Variants in STXBP6 observed in about 807,000 individuals in gnomAD.
The protein encoded by STXBP6 is syntaxin binding protein 6.
Under a neutral mutation model 26.9 loss-of-function variants are expected in STXBP6, and 21 were observed. The ratio of observed to expected loss-of-function variants is 0.78; its 90% CI spans 0.55 to 1.12. The LOEUF (loss-of-function observed/expected upper bound fraction) is 1.12. Ranked by LOEUF, STXBP6 falls within the 50% of genes most tolerant of loss-of-function variation. The pLI is 0.00. For missense variants in STXBP6, 232 were observed against 257.9 expected (o/e 0.90, Z 0.69); for synonymous variants, 97 against 92.6 (o/e 1.05, Z -0.27).
chr14:24,965,391 C>T (rs547453247), intron 2 of STXBP6, among the ~76,000 whole-genome samples: 63 of 142,756 alleles, frequency 4.4e-4, no homozygotes, highest in African/African-American at 1.5e-3. Flanking sequence ...GCAGACTTTA[C>T]GATTAGATTA....
chr14:24,892,448 T>C (rs913890639), intron 2 of STXBP6, among the ~76,000 whole-genome samples: 4 of 152,198 alleles, frequency 2.6e-5, no homozygotes, highest in East Asian at 1.9e-4. Context: ...CAGATGTTTC[T>C]ATATTCTTCA....
chr14:24,868,427 A>AAATACT (rs1289726153), intron 2 of STXBP6, among the ~76,000 whole-genome samples: 2 of 152,202 alleles, frequency 1.3e-5, no homozygotes, highest in African/African-American at 4.8e-5. Context: ...ATTAAATTAA[A>AAATACT]AATACTAAGG....
Position 25,049,248 on chromosome 14 carries a change from T to C in STXBP6, c.-33+630A>G, listed in dbSNP as rs1367545335. ...GCCCGGCGGTGTTGGTGAGGCTCGA[T>C]GCCGGCGTGCACGGCAAGCGCGAAT... On this transcript the variant is annotated intron_variant, in intron 1 of 5. Transcript: ENST00000323944. This position sits in a 1 kb window ranked among gnomAD's most constrained non-coding sequence, Gnocchi z 5.6. 1.0e-6 allele frequency: 1 copy of C among 985,296 alleles called. No homozygotes were observed. 61.0% of individuals were successfully genotyped at this position (985,296 alleles called of 1,614,324 possible).
At chr14:24,894,998 G>C (rs975392517) in intron 2 of STXBP6, among the ~76,000 whole-genome samples, 3 of 150,296 alleles carry the variant, frequency 2.0e-5, no homozygotes, top group African/African-American at 7.4e-5. Flanking sequence ...TTTCTTTCTC[G>C]TGTGTTAGTA....
At chr14:24,853,660 C>T (rs2069231817) in intron 4 of STXBP6, among the ~76,000 whole-genome samples, 1 of 152,122 alleles carries the variant, frequency 6.6e-6, no homozygotes, top group South Asian at 2.1e-4. Flanking sequence ...CTGAGAGACA[C>T]ACCTACAGTT....
chr14:24,870,863 C>G (rs72682917), intron 2 of STXBP6, among the ~76,000 whole-genome samples: 5,678 of 152,220 alleles, frequency 0.037, 158 homozygotes, highest in Non-Finnish European at 0.059. Context: ...AAAAATGCAT[C>G]ACAAAAATAC....
intron 2 of STXBP6, among the ~76,000 whole-genome samples, chr14:24,898,410 G>A (rs1167821271): frequency 3.3e-5 from 5 of 152,170 alleles, no homozygotes; most frequent in East Asian, 1.9e-4. Flanking sequence ...TGGGTGCGGC[G>A]GGTCATGCCT....
At chr14:24,896,283 T>G (rs2070989583) in intron 2 of STXBP6, among the ~76,000 whole-genome samples, 1 of 149,238 alleles carries the variant, frequency 6.7e-6, no homozygotes, top group East Asian at 2.0e-4. Context: ...CATGACAGAC[T>G]CAAGTTTTGC....
At chr14:24,890,941 T>C (rs185348642) in intron 2 of STXBP6, among the ~76,000 whole-genome samples, 1 of 152,224 alleles carries the variant, frequency 6.6e-6, no homozygotes, top group Non-Finnish European at 1.5e-5. Context: ...AGGGTAGAAT[T>C]ACATTTTCAA....
intron 2 of STXBP6, among the ~76,000 whole-genome samples, chr14:24,862,000 G>A (rs1188591298): frequency 2.0e-5 from 3 of 152,084 alleles, no homozygotes; most frequent in Non-Finnish European, 2.9e-5. Flanking sequence ...CGCGTTTTTT[G>A]TTCTGTTTTG....
At chr14:24,964,866 G>A (rs1262609286) in intron 2 of STXBP6, among the ~76,000 whole-genome samples, 1 of 152,156 alleles carries the variant, frequency 6.6e-6, no homozygotes, top group African/African-American at 2.4e-5. Context: ...ATCCAGTAAA[G>A]ATAGGTGTAG....
chr14:24,991,856 C>T (rs561239847), intron 1 of STXBP6, among the ~76,000 whole-genome samples: 91 of 152,304 alleles, frequency 6.0e-4, no homozygotes, highest in Admixed American at 2.2e-3. Flanking sequence ...GAGCGGTAGA[C>T]GGCCCACCAA....
At position 24,974,847 on chromosome 14, in the gene STXBP6, G is replaced by C. The variant is rs2074002145; in HGVS notation, c.-29C>G. The stretch of plus-strand genomic sequence containing the variant: ...AGAACAAGTGAGGACAGCACGCAGT[G>C]AATCTTTTAAAGAAGGAAAAGAAAG... On this transcript the variant is annotated 5_prime_UTR_variant, in exon 2 of 6. Coordinates refer to ENST00000323944, the MANE Select transcript of STXBP6 (RefSeq NM_001394410.1). 11 of 1,531,892 alleles carry C rather than the reference G, an allele frequency of 7.2e-6. No individual in the cohort carries two copies. Among genetic ancestry groups the C allele is most frequent in the African/African-American group, 1.4e-5 (1 of 72,846 alleles). The allele number at this position is 1,531,892 out of a possible 1,614,324, so 94.9% of individuals were successfully genotyped here.
chr14:24,974,568 C>T (rs1442646735), intron 2 of STXBP6, 97 bp downstream of exon 2: 1 of 1,143,700 alleles, frequency 8.7e-7, no homozygotes, highest in African/African-American at 1.6e-5. Context: ...GTGCAGACAC[C>T]TACAAAACCT....
chr14:24,952,026 T>C (rs1171239506), intron 2 of STXBP6, among the ~76,000 whole-genome samples: 3 of 151,024 alleles, frequency 2.0e-5, no homozygotes, highest in Non-Finnish European at 4.4e-5. Context: ...AAAATACTTA[T>C]ATATATAATA....
intron 1 of STXBP6, among the ~76,000 whole-genome samples, chr14:25,017,257 A>G (rs909715721): frequency 3.9e-5 from 6 of 152,210 alleles, no homozygotes; most frequent in Non-Finnish European, 5.9e-5. Context: ...ATTAATGTTC[A>G]AGGGAGAAAG....
chr14:24,825,475 G>T (rs1410371425), intron 4 of STXBP6, among the ~76,000 whole-genome samples: 1 of 152,142 alleles, frequency 6.6e-6, no homozygotes, highest in Non-Finnish European at 1.5e-5. Context: ...AAAGAAAAAT[G>T]GACTTAATGC....
At chr14:24,980,341 T>A (rs1381243694) in intron 1 of STXBP6, among the ~76,000 whole-genome samples, 3 of 152,212 alleles carry the variant, frequency 2.0e-5, no homozygotes, top group Admixed American at 2.0e-4. Flanking sequence ...TTTACTTAGA[T>A]AATGTTTCTC....
chr14:25,018,373 A>G (rs1001787226), intron 1 of STXBP6, among the ~76,000 whole-genome samples: 19 of 152,218 alleles, frequency 1.2e-4, no homozygotes, highest in Admixed American at 5.2e-4. Context: ...TAAGACCCTA[A>G]ACCCTCCCGG....
Sources: allele counts gnomAD v4.1 joint callset (sites outside exome capture counted in the v4.1 genomes callset), GRCh38; gene constraint gnomAD v4.1.1; non-coding constraint Gnocchi (gnomAD v3.1); transcripts MANE v1.5; gene names NCBI Gene and HGNC (gene_info 2026-07-23, HGNC 2026-07-21).